The following INPP5D variants were observed in gnomAD, a reference collection of about 807,000 sequenced individuals.
INPP5D encodes the protein inositol polyphosphate-5-phosphatase D.
Under a neutral mutation model 122.9 loss-of-function variants are expected in INPP5D, and 33 were observed. The ratio of observed to expected loss-of-function variants is 0.27; its 90% CI spans 0.20 to 0.36. INPP5D has a LOEUF of 0.36. Ranked by LOEUF, INPP5D falls within the 10% of genes least tolerant of loss-of-function variation. The pLI is 1.00. For synonymous variants in INPP5D, 584 were observed against 576.2 expected, an observed-to-expected ratio of 1.01 and a Z score of -0.19; for missense variants, 1,053 against 1,412.7, an observed-to-expected ratio of 0.75 and a Z score of 4.08.
chr2:233,175,311 T>C (rs1694590736), intron 17 of INPP5D, among the ~76,000 whole-genome samples: 2 of 148,976 alleles, frequency 1.3e-5, no homozygotes, highest in Non-Finnish European at 3.0e-5. Context: ...AACAGTAGAG[T>C]AGATAAATGT....
intron 2 of INPP5D, among the ~76,000 whole-genome samples, chr2:233,091,665 T>A (rs1225910520): frequency 6.6e-6 from 1 of 152,130 alleles, no homozygotes; most frequent in Non-Finnish European, 1.5e-5. Flanking sequence ...TTCAGGATCC[T>A]CTCCCAACCT....
chr2:233,161,682 A>C (rs894074406), intron 10 of INPP5D, 42 bp from the exon 11 acceptor site: 9 of 1,580,486 alleles, frequency 5.7e-6, no homozygotes, highest in Non-Finnish European at 7.7e-6. Context: ...ATGTGCAGGG[A>C]GGCAGAGGCC....
rs1559351006 is a variant in INPP5D, at chr2:233,204,297, C to T, written c.3147C>T (p.Pro1049=). The change falls in exon 26 of 27, where the codon CCC becomes CCT. Residue 1049 remains proline (P), a synonymous_variant. Coordinates refer to ENST00000445964, the MANE Select transcript of INPP5D (RefSeq NM_001017915.3). ...AAATGCCGCGGAAGGAACCCCCGCC[C>T]TGCCCGGAACCCGGCATCTTGTCGC... ...SPKMPRKEPP[P]CPEPGILSPS... 4 of 1,612,830 alleles carry T rather than the reference C, an allele frequency of 2.5e-6. No homozygotes were observed. The highest frequency in any genetic ancestry group is 2.5e-6 in the Non-Finnish European group (3 of 1,179,582).
At chr2:233,175,708 G>A (rs1306200966) in intron 17 of INPP5D, among the ~76,000 whole-genome samples, 2 of 150,772 alleles carry the variant, frequency 1.3e-5, no homozygotes, top group Non-Finnish European at 3.0e-5. Context: ...TTGAGATGGA[G>A]TTTTGCTCTT....
chr2:233,063,358 G>GC (rs1691126612), intron 1 of INPP5D, among the ~76,000 whole-genome samples: 1 of 152,214 alleles, frequency 6.6e-6, no homozygotes, highest in African/African-American at 2.4e-5. Flanking sequence ...TCCCTCCCAG[G>GC]CCCCCTCTGG....
At chr2:233,190,843 C>T (rs1695038861) in intron 22 of INPP5D, among the ~76,000 whole-genome samples, 1 of 152,170 alleles carries the variant, frequency 6.6e-6, no homozygotes, top group Non-Finnish European at 1.5e-5. Flanking sequence ...AATACCTTAT[C>T]CCGAGGGCAG....
rs529491256 is a variant in INPP5D, at chr2:233,068,189, G to A, written c.134+7577G>A. On this transcript the variant is annotated intron_variant, in intron 1 of 26. Coordinates refer to ENST00000445964, the MANE Select transcript of INPP5D (RefSeq NM_001017915.3). ...AATCCCAGCTACTCGAGAGGCTGAG[G>A]CAGCAGAATTGCTTGAACTTGGGAG... Among the ~76,000 whole-genome samples, 12 of 152,078 alleles carry A rather than the reference G, an allele frequency of 7.9e-5. No homozygotes were observed. The South Asian group carries it at 2.3e-3, about 29-fold the overall frequency.
In INPP5D at chr2:233,125,755, C is replaced by T. The variant is rs371488249; in HGVS notation, c.360C>T (p.Val120=). 128 of 1,612,530 alleles carry T rather than the reference C, an allele frequency of 7.9e-5. No individual in the cohort carries two copies. Among genetic ancestry groups the T allele is most frequent in the Non-Finnish European group, 1.0e-4 (118 of 1,179,284 alleles). Residue 120 remains valine, a synonymous_variant, in exon 4 of 27, where the codon GTC becomes GTT. Transcript: ENST00000445964. Reference sequence around the variant, plus strand: ...TGCTGTTCTCTCCAGTAGAAAGTGTCGTGTCTCCACCCGAGCTGCCCCCAA... The same window carrying T: ...TGCTGTTCTCTCCAGTAGAAAGTGTTGTGTCTCCACCCGAGCTGCCCCCAA... ...DDPEEDTVES[V]VSPPELPPRN...
rs1367564340 is a variant in INPP5D, at chr2:233,128,088, C to T, written c.524+2169C>T. 6.6e-6 allele frequency among the ~76,000 whole-genome samples: 1 copy of T among 152,236 alleles called. No homozygotes were observed. Among genetic ancestry groups the T allele is most frequent in the Non-Finnish European group, 1.5e-5 (1 of 68,050 alleles). On this transcript the variant is annotated intron_variant, in intron 4 of 26. Coordinates refer to ENST00000445964, the MANE Select transcript of INPP5D (RefSeq NM_001017915.3). The surrounding 1 kb of genome is among the most constrained non-coding windows in gnomAD (Gnocchi z 4.5). ...GCGGAGGGCAAGCGAGCATTACCACCTGAGCTCTGCCTCCTGTCAGATCAG... is the reference window on the plus strand; with the variant it reads ...GCGGAGGGCAAGCGAGCATTACCACTTGAGCTCTGCCTCCTGTCAGATCAG...
intron 2 of INPP5D, among the ~76,000 whole-genome samples, chr2:233,113,699 G>A (rs1288657798): frequency 6.6e-6 from 1 of 152,080 alleles, no homozygotes; most frequent in African/African-American, 2.4e-5. Flanking sequence ...CTCGCTTGTC[G>A]ACCGTGCCCT....
chr2:233,104,443 G>C (rs1305700706), intron 2 of INPP5D, among the ~76,000 whole-genome samples: 3 of 152,128 alleles, frequency 2.0e-5, no homozygotes, highest in African/African-American at 7.2e-5. Flanking sequence ...GGGCACCCTG[G>C]TATCCCCTCT....
At chr2:233,161,176 C>T (rs1694188583) in intron 10 of INPP5D, among the ~76,000 whole-genome samples, 2 of 152,074 alleles carry the variant, frequency 1.3e-5, no homozygotes, top group South Asian at 4.2e-4. Context: ...ACTGCAACCT[C>T]CACCTCCTGG....
In INPP5D at chr2:233,204,443, G is replaced by A; in HGVS notation, c.3293G>A (p.Gly1098Asp). Residue 1098 changes from glycine (G) to aspartate (D), a missense_variant, in exon 26 of 27, where the codon GGC becomes GAC. By Grantham distance (94) the Gly-to-Asp change is moderately conservative. Transcript: ENST00000445964. ...CSSSAEGRAA[G>D]GDKSQGKPKT... is the part of the protein sequence containing the mutation. ...TCCTCTGCCGAGGGCAGGGCGGCCG[G>A]CGGGGACAAGAGCCAAGGGAAGCCC... 1.9e-6 allele frequency: 3 copies of A among 1,600,808 alleles called. No individual in the cohort carries two copies. Among genetic ancestry groups the A allele is most frequent in the Non-Finnish European group, 2.6e-6 (3 of 1,174,666 alleles).
chr2:233,149,968 G>A (rs1396474572), intron 9 of INPP5D, among the ~76,000 whole-genome samples: 1 of 152,120 alleles, frequency 6.6e-6, no homozygotes, highest in Admixed American at 6.5e-5. Flanking sequence ...GAATGGCTGG[G>A]GGTGACATCA....
At chr2:233,122,715 G>A (rs1693026315) in intron 3 of INPP5D, among the ~76,000 whole-genome samples, 2 of 152,220 alleles carry the variant, frequency 1.3e-5, no homozygotes, top group South Asian at 4.1e-4. Context: ...GCCGAGGCAG[G>A]AGGATCCCTT....
chr2:233,191,781 G>C (rs933322191), intron 22 of INPP5D, among the ~76,000 whole-genome samples: 4 of 152,254 alleles, frequency 2.6e-5, no homozygotes, highest in African/African-American at 9.6e-5. Context: ...AATGCGCCTG[G>C]GTCAAGGGAG....
rs1694990175 is a variant in INPP5D, at chr2:233,189,171, C to A, written c.2359-679C>A. Among the ~76,000 whole-genome samples the A allele has an allele frequency of 6.6e-6, 1 of 152,182 alleles. No homozygotes were observed. The highest frequency in any genetic ancestry group is 1.5e-5 in the Non-Finnish European group (1 of 68,032). ...TGTTAGCAGCCACCCCCGCTGCCAG[C>A]CAGGCCAGCAGGGCCTCTGGGGGAG... On this transcript the variant is annotated intron_variant, in intron 21 of 26. Coordinates refer to ENST00000445964, the MANE Select transcript of INPP5D (RefSeq NM_001017915.3). The surrounding 1 kb of genome is among the most constrained non-coding windows in gnomAD (Gnocchi z 5.6).
chr2:233,184,320 G>A, intron 19 of INPP5D, 88 bp from the exon 20 acceptor site: 1 of 1,512,036 alleles, frequency 6.6e-7, no homozygotes, highest in Non-Finnish European at 8.9e-7. Context: ...CCCTGAGAAG[G>A]AGCTCAGTAT....
chr2:233,147,346 C>T, intron 8 of INPP5D, 125 bp from the exon 9 acceptor site: 2 of 630,090 alleles, frequency 3.2e-6, no homozygotes, highest in Non-Finnish European at 5.8e-6. Flanking sequence ...AAGAGAAGCC[C>T]AGTGGCCCCA....
Sources: gnomAD v4.1 joint callset for allele counts (sites outside exome capture counted in the v4.1 genomes callset) on GRCh38, gnomAD v4.1.1 for gene constraint, Gnocchi (gnomAD v3.1) non-coding constraint, MANE v1.5 for transcripts, NCBI Gene and HGNC (gene_info 2026-07-23, HGNC 2026-07-21) for gene names.